Variants in AKAP13 observed in about 807,000 individuals in gnomAD.
AKAP13 encodes the protein A-kinase anchoring protein 13, also known as A-kinase anchor protein 13.
In AKAP13, 80 loss-of-function variants were observed where a neutral mutation model predicts 264.5. That is an observed-to-expected ratio of 0.30 (90% CI 0.25 to 0.36). AKAP13 has a LOEUF of 0.36. AKAP13 is among the 10% of genes least tolerant of loss of function. The pLI, the probability that AKAP13 is intolerant of heterozygous loss-of-function variation, is 1.00. For missense variants in AKAP13, 3,712 were observed against 3,435.2 expected, an observed-to-expected ratio of 1.08 and a Z score of -2.01; for synonymous variants, 1,380 against 1,250.2, an observed-to-expected ratio of 1.10 and a Z score of -2.19.
chr15:85,734,922 A>T, intron 30 of AKAP13, 70 bp from the exon 31 acceptor site: 1 of 1,571,054 alleles, frequency 6.4e-7, no homozygotes, highest in Admixed American at 1.8e-5. Context: ...TACGTATCAT[A>T]TATACTATGA....
At chr15:85,574,997 A>T in intron 5 of AKAP13, 134 bp from the exon 6 acceptor site, 1 of 696,708 alleles carries the variant, frequency 1.4e-6, no homozygotes, top group Non-Finnish European at 2.4e-6. Context: ...ATCATTTGGG[A>T]GGTATATATA....
intron 1 of AKAP13, among the ~76,000 whole-genome samples, chr15:85,462,207 C>G (rs1294113414): frequency 6.6e-6 from 1 of 152,148 alleles, no homozygotes; most frequent in Non-Finnish European, 1.5e-5. Context: ...CCATAGGAAG[C>G]CTTCAGTGGT....
At chr15:85,398,604 A>G (rs1408348631) in intron 1 of AKAP13, among the ~76,000 whole-genome samples, 4 of 152,100 alleles carry the variant, frequency 2.6e-5, no homozygotes, top group Admixed American at 6.5e-5. Flanking sequence ...CGCCCAGGCC[A>G]GAGTGCAGTG....
intron 1 of AKAP13, among the ~76,000 whole-genome samples, chr15:85,435,765 C>T (rs1454893476): frequency 1.4e-5 from 2 of 144,856 alleles, no homozygotes; most frequent in African/African-American, 2.5e-5. Context: ...CAAGCAAATG[C>T]TGAGAGATTT....
chr15:85,709,136 T>G (rs1394587008), intron 18 of AKAP13, among the ~76,000 whole-genome samples: 1 of 152,196 alleles, frequency 6.6e-6, no homozygotes, highest in South Asian at 2.1e-4. Context: ...TCATGTTTTA[T>G]ATCAGTTTGG....
chr15:85,580,607 C>T lies in AKAP13; in HGVS notation c.2539C>T (p.Leu847=). The T allele has an allele frequency of 1.2e-6, 2 of 1,614,194 alleles. No homozygotes were observed. Among genetic ancestry groups the T allele is most frequent in the Admixed American group, 3.3e-5 (2 of 60,024 alleles). The part of the protein sequence containing the change: ...TRPLEDRAVG[L]STSSTAAELQ... ...GCCACTAGAAGACAGGGCAGTAGGC[C>T]TGTCCACATCCTCCACTGCTGCAGA... Residue 847 remains leucine (L), a synonymous_variant, in exon 7 of 37, where the codon CTG becomes TTG. Transcript: ENST00000394518.
chr15:85,421,771 G>C (rs1316802029), intron 1 of AKAP13, among the ~76,000 whole-genome samples: 1 of 152,182 alleles, frequency 6.6e-6, no homozygotes, highest in African/African-American at 2.4e-5. Flanking sequence ...CTACTTTGTA[G>C]ACTTATTATT....
intron 1 of AKAP13, among the ~76,000 whole-genome samples, chr15:85,411,112 A>C (rs34871760): frequency 0.25 from 38,156 of 152,146 alleles, 6,356 homozygotes; most frequent in Middle Eastern, 0.37. Flanking sequence ...TATAGTGTGC[A>C]GACATTTGAC....
chr15:85,729,218 G>C (rs2087811962), intron 29 of AKAP13, among the ~76,000 whole-genome samples: 1 of 151,954 alleles, frequency 6.6e-6, no homozygotes, highest in Non-Finnish European at 1.5e-5. Context: ...AGAATCGCTT[G>C]AACCCGGGAG....
intron 5 of AKAP13, among the ~76,000 whole-genome samples, chr15:85,569,683 C>G (rs574751060): frequency 6.6e-6 from 1 of 152,154 alleles, no homozygotes; most frequent in East Asian, 1.9e-4. Flanking sequence ...GAACTCCTGA[C>G]CTCAGGTGAT....
chr15:85,419,365 C>A (rs556168768), intron 1 of AKAP13, among the ~76,000 whole-genome samples: 1 of 152,240 alleles, frequency 6.6e-6, no homozygotes, highest in Non-Finnish European at 1.5e-5. Context: ...AAAGACTCAC[C>A]GATCATACTG....
intron 23 of AKAP13, 148 bp downstream of exon 23, chr15:85,719,474 T>C (rs554768602): frequency 8.5e-5 from 99 of 1,163,836 alleles, no homozygotes; most frequent in South Asian, 8.1e-4. Flanking sequence ...GAGCCTTGAT[T>C]TCCTTTTCTG....
In AKAP13 at chr15:85,662,527, C is replaced by G. The variant is rs1167866757; in HGVS notation, c.4800-2036C>G. On this transcript the variant is annotated intron_variant, in intron 12 of 36. Coordinates refer to ENST00000394518, the MANE Select transcript of AKAP13 (RefSeq NM_007200.5). ...CGCCATCAGGGCTTTTGGCTTGGAG[C>G]TGGCTTCTGTGTGGCTGGGATGCAT... 3.2e-6 allele frequency: 5 copies of G among 1,571,270 alleles called. No individual in the cohort carries two copies. The African/African-American group carries it at 6.8e-5, about 21-fold the overall frequency.
At chr15:85,394,238 C>T (rs1044972252) in intron 1 of AKAP13, among the ~76,000 whole-genome samples, 3 of 152,336 alleles carry the variant, frequency 2.0e-5, no homozygotes, top group African/African-American at 7.2e-5. Context: ...TTCTAAACAT[C>T]TTTTCTTACC....
intron 1 of AKAP13, among the ~76,000 whole-genome samples, chr15:85,421,490 T>C (rs1189278716): frequency 6.6e-6 from 1 of 152,280 alleles, no homozygotes; most frequent in East Asian, 1.9e-4. Context: ...AAACATTTGA[T>C]CATTTCTGTC....
chr15:85,673,666 CTTTTTTTTTTTTT>C lies in AKAP13; in HGVS notation c.5101+3850_5101+3862del, dbSNP rs386383664. ...TTACAGATGATCCCTTTCTTTCTTT[CTTTTTTTTTTTTT>C]TTTTTTTTTTTTTGGGGAGACAGAA... On this transcript the variant is annotated intron_variant, in intron 14 of 36. Coordinates refer to ENST00000394518, the MANE Select transcript of AKAP13 (RefSeq NM_007200.5). Among the ~76,000 whole-genome samples, 4 of 77,558 alleles carry C rather than the reference CTTTTTTTTTTTTT, an allele frequency of 5.2e-5. 1 individual carries two copies. The South Asian group carries it at 2.5e-3, about 49-fold the overall frequency. The allele number at this position is 77,558 out of a possible 152,430, so 50.9% of individuals were successfully genotyped here.
At chr15:85,481,587 A>G (rs572855203) in intron 1 of AKAP13, among the ~76,000 whole-genome samples, 5 of 152,324 alleles carry the variant, frequency 3.3e-5, no homozygotes, top group South Asian at 2.1e-4. Context: ...GAAGAATACA[A>G]ATTCTTAACT....
chr15:85,657,711 T>C (rs1223049255), intron 11 of AKAP13, among the ~76,000 whole-genome samples: 1 of 43,266 alleles, frequency 2.3e-5, no homozygotes, highest in Non-Finnish European at 4.0e-5. Flanking sequence ...TGGTGTACTC[T>C]TTTTTTTTTT....
intron 1 of AKAP13, among the ~76,000 whole-genome samples, chr15:85,470,292 A>AAAACC (rs549588645): frequency 9.9e-5 from 15 of 152,206 alleles, no homozygotes; most frequent in Admixed American, 5.2e-4. Flanking sequence ...TCTGTCTCAA[A>AAAACC]AAACCAAACC....
Sources: allele counts gnomAD v4.1 joint callset (sites outside exome capture counted in the v4.1 genomes callset), GRCh38; gene constraint gnomAD v4.1.1; transcripts MANE v1.5; gene names NCBI Gene and HGNC (gene_info 2026-07-23, HGNC 2026-07-21).